PPA2: variants seen among roughly 807,000 people sequenced by gnomAD.
PPA2 encodes inorganic pyrophosphatase 2, also known as inorganic pyrophosphatase 2, mitochondrial.
A neutral mutation model predicts 49.5 loss-of-function variants in PPA2; 48 were observed. That is an observed-to-expected ratio of 0.97 (90% CI 0.77 to 1.23). PPA2 has a LOEUF of 1.23. Among genes scored for constraint, PPA2 ranks in the 50% most tolerant of loss-of-function variants. The pLI is 0.00. For missense variants in PPA2, 429 were observed against 410.1 expected (o/e 1.05, Z -0.40); for synonymous variants, 131 against 139.9 (o/e 0.94, Z 0.45).
chr4:105,441,481 T>A (rs1357468306), intron 5 of PPA2, among the ~76,000 whole-genome samples: 1 of 152,128 alleles, frequency 6.6e-6, no homozygotes, highest in Non-Finnish European at 1.5e-5. Context: ...GGCAGGAGTA[T>A]AAATTGTCAC....
chr4:105,463,019 G>A (rs954611256), intron 1 of PPA2, among the ~76,000 whole-genome samples: 2 of 152,194 alleles, frequency 1.3e-5, no homozygotes, highest in South Asian at 2.1e-4. Context: ...CCAGTAGAGT[G>A]CGGTGCTGCT....
intron 7 of PPA2, among the ~76,000 whole-genome samples, chr4:105,401,901 A>G (rs6811159): frequency 0.11 from 16,972 of 152,178 alleles, 1,000 homozygotes; most frequent in Non-Finnish European, 0.13. Context: ...CCACACTTCT[A>G]TTTCCATCAG....
At chr4:105,438,093 T>C in intron 5 of PPA2, 57 bp from the exon 6 acceptor site, 1 of 1,194,174 alleles carries the variant, frequency 8.4e-7, no homozygotes, top group Non-Finnish European at 1.2e-6. Context: ...TAATGTACTT[T>C]AATCTTTCCA....
intron 3 of PPA2, among the ~76,000 whole-genome samples, chr4:105,451,861 C>T (rs890230132): frequency 1.3e-5 from 2 of 152,180 alleles, no homozygotes; most frequent in South Asian, 2.1e-4. Context: ...AGCTAAGATG[C>T]ATTTGTCCTG....
chr4:105,435,755 A>T (rs745528949), intron 6 of PPA2, among the ~76,000 whole-genome samples: 1 of 152,200 alleles, frequency 6.6e-6, no homozygotes, highest in Non-Finnish European at 1.5e-5. Flanking sequence ...AAAATTCAAC[A>T]TTCCTTCATG....
chr4:105,400,220 A>G (rs916301243), intron 7 of PPA2, among the ~76,000 whole-genome samples: 2 of 152,184 alleles, frequency 1.3e-5, no homozygotes, highest in African/African-American at 4.8e-5. Flanking sequence ...CAAAACAAAC[A>G]GGGATGTTTT....
At chr4:105,435,251 T>C (rs1054396569) in intron 6 of PPA2, among the ~76,000 whole-genome samples, 1 of 152,184 alleles carries the variant, frequency 6.6e-6, no homozygotes, top group Non-Finnish European at 1.5e-5. Flanking sequence ...TAGATGGTAG[T>C]CATATATTTA....
chr4:105,372,011 C>T (rs867608632), intron 10 of PPA2, among the ~76,000 whole-genome samples: 1 of 152,200 alleles, frequency 6.6e-6, no homozygotes, highest in Non-Finnish European at 1.5e-5. Context: ...TACCTCCAAA[C>T]AGCCACCCAC....
intron 5 of PPA2, among the ~76,000 whole-genome samples, chr4:105,442,021 T>G (rs1190178386): frequency 6.6e-6 from 1 of 151,238 alleles, no homozygotes; most frequent in Non-Finnish European, 1.5e-5. Flanking sequence ...TTTTTTTTTT[T>G]TAAGAGAGGG....
In PPA2 at chr4:105,369,142, G is replaced by A. The variant is rs1266731832; in HGVS notation, c.*583C>T. 1 of 152,046 alleles carries A rather than the reference G, an allele frequency of 6.6e-6. No homozygotes were observed. The highest frequency in any genetic ancestry group is 2.4e-5 in the African/African-American group (1 of 41,408). The allele number at this position is 152,046 out of a possible 1,614,324, so 9.4% of individuals were successfully genotyped here. ...ATCCAATCTACAGAAATAAAAACTG[G>A]TAAAATCAATGGGTTCCTTCAGGTA... On this transcript the variant is annotated 3_prime_UTR_variant, in exon 12 of 12. Transcript: ENST00000341695.
chr4:105,443,532 C>T (rs573679160), intron 5 of PPA2, among the ~76,000 whole-genome samples: 13 of 149,414 alleles, frequency 8.7e-5, no homozygotes, highest in South Asian at 4.3e-4. Context: ...TTAAAAACAT[C>T]ATTCAATTTA....
intron 7 of PPA2, among the ~76,000 whole-genome samples, chr4:105,401,003 G>A (rs74777585): frequency 0.03 from 4,595 of 151,922 alleles, 211 homozygotes; most frequent in African/African-American, 0.095. Flanking sequence ...AAAAATTACA[G>A]TAAGATATTT....
chr4:105,439,704 C>T (rs1724248636), intron 5 of PPA2, among the ~76,000 whole-genome samples: 1 of 150,858 alleles, frequency 6.6e-6, no homozygotes, highest in Admixed American at 6.6e-5. Context: ...TATTATGATA[C>T]TTTTAAGTTT....
intron 7 of PPA2, among the ~76,000 whole-genome samples, chr4:105,409,686 C>T (rs1342837967): frequency 6.6e-6 from 1 of 152,220 alleles, no homozygotes. Flanking sequence ...TGGGACAAAG[C>T]TTCCAGAGGA....
intron 1 of PPA2, among the ~76,000 whole-genome samples, chr4:105,461,989 T>A (rs1324774599): frequency 6.6e-6 from 1 of 152,214 alleles, no homozygotes; most frequent in Non-Finnish European, 1.5e-5. Context: ...CCAGGGCCAA[T>A]CATGTTGATA....
intron 1 of PPA2, among the ~76,000 whole-genome samples, chr4:105,467,879 T>C (rs1481893988): frequency 1.3e-5 from 2 of 152,202 alleles, no homozygotes; most frequent in African/African-American, 4.8e-5. Context: ...AATCTTGAGT[T>C]GTATCTTAAA....
intron 7 of PPA2, among the ~76,000 whole-genome samples, chr4:105,415,614 T>A (rs1355883231): frequency 2.0e-5 from 3 of 152,112 alleles, no homozygotes; most frequent in African/African-American, 7.2e-5. Context: ...GCTGTGTGGC[T>A]GCAGCTGTGT....
intron 10 of PPA2, among the ~76,000 whole-genome samples, chr4:105,384,456 A>C (rs1039398367): frequency 1.3e-5 from 2 of 152,198 alleles, no homozygotes; most frequent in African/African-American, 4.8e-5. Flanking sequence ...CAATGAAAAA[A>C]CAGGATCTAA....
chr4:105,410,457 C>T (rs1028812090), intron 7 of PPA2, among the ~76,000 whole-genome samples: 2 of 152,086 alleles, frequency 1.3e-5, no homozygotes, highest in Admixed American at 6.6e-5. Flanking sequence ...CTGAAAGTGA[C>T]GAGGAGAATG....
Sources: gnomAD v4.1 joint callset for allele counts (sites outside exome capture counted in the v4.1 genomes callset) on GRCh38, gnomAD v4.1.1 for gene constraint, MANE v1.5 for transcripts, NCBI Gene and HGNC (gene_info 2026-07-23, HGNC 2026-07-21) for gene names.